The following DNAH5 variants were observed in gnomAD, a reference collection of about 807,000 sequenced individuals.
DNAH5 encodes the protein axonemal beta dynein heavy chain 5.
Under a neutral mutation model 518.2 loss-of-function variants are expected in DNAH5, and 372 were observed. The observed-to-expected ratio is 0.72, with a 90% CI of 0.66 to 0.78. DNAH5 has a LOEUF of 0.78. DNAH5 is among the 30% of genes least tolerant of loss of function. DNAH5 has a pLI of 0.00. For missense variants in DNAH5, 5,523 were observed against 5,687.0 expected, an observed-to-expected ratio of 0.97 and a Z score of 0.93; for synonymous variants, 2,039 against 2,025.9, an observed-to-expected ratio of 1.01 and a Z score of -0.17.
chr5:13,714,383 T>C (rs749628828), intron 75 of DNAH5, 22 bp downstream of exon 75: 30 of 1,612,844 alleles, frequency 1.9e-5, no homozygotes, highest in Non-Finnish European at 2.4e-5. Context: ...GCTGACATTT[T>C]GTCAGGATTT....
At chr5:13,980,687 T>C (rs1251234295) in intron 1 of DNAH5, among the ~76,000 whole-genome samples, 1 of 152,190 alleles carries the variant, frequency 6.6e-6, no homozygotes, top group Non-Finnish European at 1.5e-5. Context: ...CAAATGGTTC[T>C]ATCTTTCCCC....
chr5:13,754,236 G>A lies in DNAH5; in HGVS notation c.10522C>T (p.Gln3508Ter), dbSNP rs1750671525. Residue 3508 changes from glutamine to a stop codon, truncating the protein, a stop_gained, in exon 62 of 79, where the codon CAA becomes TAA. Transcript: ENST00000265104. LOFTEE classifies it high-confidence loss of function. ...CTTTTAGTTTGTGCAGCAAACTCTT[G>A]GCTTTGCTCTGTCCATCTTTCTTTT... ...GEKERWTEQS[Q>*]EFAAQTKRLV... 1 of 1,614,032 alleles carries A rather than the reference G, an allele frequency of 6.2e-7. No individual in the cohort carries two copies. The highest frequency in any genetic ancestry group is 1.1e-5 in the South Asian group (1 of 91,076).
Position 13,813,479 on chromosome 5 carries a change from C to T in DNAH5, c.7230+1126G>A, listed in dbSNP as rs1022602891. On this transcript the variant is annotated intron_variant, in intron 43 of 78. Transcript: ENST00000265104. ...AAAGAAAAAAAAAAAAAAAACAATCCTGAGTTGCCTCCCAGAGATTCTAAT... is the reference window on the plus strand; with the variant it reads ...AAAGAAAAAAAAAAAAAAAACAATCTTGAGTTGCCTCCCAGAGATTCTAAT... 6.0e-5 allele frequency among the ~76,000 whole-genome samples: 9 copies of T among 148,950 alleles called. No homozygotes were observed. In the East Asian group the frequency reaches 1.6e-3, roughly 26 times the overall value.
At chr5:13,728,814 A>T (rs903313024) in intron 69 of DNAH5, among the ~76,000 whole-genome samples, 8 of 152,200 alleles carry the variant, frequency 5.3e-5, no homozygotes, top group Non-Finnish European at 4.4e-5. Context: ...CCTGATTTTC[A>T]ATAACCTGTT....
chr5:13,955,259 TG>T (rs1302257615), intron 1 of DNAH5, among the ~76,000 whole-genome samples: 2 of 152,230 alleles, frequency 1.3e-5, no homozygotes, highest in Non-Finnish European at 2.9e-5. Context: ...GCTTCCTCTT[TG>T]CCTTCTGCCA....
At chr5:13,820,649 C>T in intron 40 of DNAH5, 150 bp from the exon 41 acceptor site, 1 of 870,802 alleles carries the variant, frequency 1.1e-6, no homozygotes, top group South Asian at 1.4e-5. Flanking sequence ...ATGGTGAAAC[C>T]CCGTCTCTAC....
chr5:13,994,092 G>A (rs1229858541), intron 1 of DNAH5, among the ~76,000 whole-genome samples: 1 of 152,236 alleles, frequency 6.6e-6, no homozygotes, highest in African/African-American at 2.4e-5. Flanking sequence ...CTCCTGCCCC[G>A]CACGCATCCC....
At chr5:13,787,209 A>T (rs1756177529) in intron 51 of DNAH5, among the ~76,000 whole-genome samples, 1 of 152,136 alleles carries the variant, frequency 6.6e-6, no homozygotes, top group Non-Finnish European at 1.5e-5. Flanking sequence ...GTTTCAAAAA[A>T]AAAAAAAAGG....
intron 17 of DNAH5, among the ~76,000 whole-genome samples, chr5:13,888,494 C>T (rs1464441540): frequency 1.3e-5 from 2 of 152,202 alleles, no homozygotes; most frequent in Admixed American, 6.5e-5. Context: ...TCAGGTACTC[C>T]TTTTCTCCAT....
chr5:13,828,951 G>C (rs1010310343), intron 38 of DNAH5, among the ~76,000 whole-genome samples: 6 of 152,178 alleles, frequency 3.9e-5, no homozygotes, highest in Non-Finnish European at 5.9e-5. Flanking sequence ...AAGACACAAA[G>C]TTTGTGGTAT....
chr5:13,702,450 T>C (rs904251514), intron 76 of DNAH5, among the ~76,000 whole-genome samples: 39 of 152,176 alleles, frequency 2.6e-4, no homozygotes, highest in African/African-American at 7.5e-4. Context: ...TTATACTACG[T>C]TCGGTCTGAG....
intron 47 of DNAH5, among the ~76,000 whole-genome samples, chr5:13,804,730 T>C (rs1426160563): frequency 2.0e-5 from 3 of 152,222 alleles, no homozygotes; most frequent in African/African-American, 4.8e-5. Context: ...GCTAAAGCCA[T>C]GTGTATCAGA....
intron 5 of DNAH5, among the ~76,000 whole-genome samples, chr5:13,921,475 TCACACA>T (rs138046391): frequency 0.015 from 1,104 of 73,738 alleles, 18 homozygotes; most frequent in East Asian, 0.046. Flanking sequence ...TATCTCTCTC[TCACACA>T]CACACACACA....
In DNAH5 at chr5:13,923,341, AC is replaced by A. The variant is rs35129409; in HGVS notation, c.376del (p.Val126TyrfsTer23). 6.2e-7 allele frequency: 1 copy of A among 1,614,098 alleles called. No homozygotes were observed. Among genetic ancestry groups the A allele is most frequent in the Non-Finnish European group, 8.5e-7 (1 of 1,179,986 alleles). On this transcript the variant is annotated frameshift_variant, in exon 4 of 79. Coordinates refer to ENST00000265104, the MANE Select transcript of DNAH5 (RefSeq NM_001369.3). LOFTEE classifies it high-confidence loss of function. The stretch of plus-strand genomic sequence containing the variant: ...GTCAGTCCTGATGAAGAACACACAT[AC>A]CCCAGTAAGAGCCACATCGTTTCCC... ...TEGNDVALTG[V>X]CVFFIRTDPS...
intron 75 of DNAH5, 133 bp from the exon 76 acceptor site, chr5:13,708,468 G>C (rs1743080641): frequency 1.3e-6 from 1 of 789,226 alleles, no homozygotes; most frequent in Non-Finnish European, 2.0e-6. Flanking sequence ...TTTATTGCAT[G>C]GCAAAAAGAA....
rs1287095523 is a variant in DNAH5 at position 13,829,662 on chromosome 5, T to C, written c.6292A>G (p.Lys2098Glu). Residue 2098 changes from lysine to glutamate, a missense_variant, in exon 38 of 79, where the codon AAG (lysine) becomes GAG (glutamate). Physicochemically the swap from Lys to Glu is moderately conservative, Grantham distance 56. Coordinates refer to ENST00000265104, the MANE Select transcript of DNAH5 (RefSeq NM_001369.3). ...ATGGCCACTGAGCGGAAATTAATCT[T>C]CAAGTTTTCAGGGAGTTCCTGCCGT... ...AGRQELPENL[K>E]INFRSVAMMV... is the part of the protein sequence containing the mutation. 1 of 1,614,210 alleles carries C rather than the reference T, an allele frequency of 6.2e-7. No homozygotes were observed. Among genetic ancestry groups the C allele is most frequent in the Admixed American group, 1.7e-5 (1 of 60,012 alleles).
Position 13,919,209 on chromosome 5 carries a change from T to G in DNAH5, c.942A>C (p.Ala314=), listed in dbSNP as rs769341512. 30 of 1,613,948 alleles carry G rather than the reference T, an allele frequency of 1.9e-5. No individual in the cohort carries two copies. In the Middle Eastern group the frequency reaches 1.3e-3, roughly 71 times the overall value. The change falls in exon 7 of 79, where the codon GCA becomes GCC. Residue 314 remains alanine, a synonymous_variant. Transcript: ENST00000265104. The part of the protein sequence containing the change: ...LKSPDVKAVL[A]VLAAAKSKLL... ...GTTTCGACTTGGCCGCCGCAAGCAC[T>G]GCCAGCACAGCCTTCACATCCGGGC...
At chr5:13,731,558 A>G (rs1259539648) in intron 68 of DNAH5, among the ~76,000 whole-genome samples, 1 of 152,250 alleles carries the variant, frequency 6.6e-6, no homozygotes, top group African/African-American at 2.4e-5. Flanking sequence ...AACAAATTAA[A>G]TAGACCCTTG....
chr5:14,006,196 C>T (rs1049737085), intron 1 of DNAH5, among the ~76,000 whole-genome samples: 8 of 152,182 alleles, frequency 5.3e-5, no homozygotes, highest in Admixed American at 2.6e-4. Flanking sequence ...ATACTTGCTG[C>T]GTGCCCTTGA....
Sources: allele counts gnomAD v4.1 joint callset (sites outside exome capture counted in the v4.1 genomes callset), GRCh38; gene constraint gnomAD v4.1.1; transcripts MANE v1.5; gene names NCBI Gene and HGNC (gene_info 2026-07-23, HGNC 2026-07-21).